The following ALK variants were observed in gnomAD, a reference collection of about 807,000 sequenced individuals.
ALK encodes ALK receptor tyrosine kinase.
A neutral mutation model predicts 163.1 loss-of-function variants in ALK; 74 were observed. The ratio of observed to expected loss-of-function variants is 0.45; its 90% confidence interval spans 0.38 to 0.55. The LOEUF is 0.55. Ranked by LOEUF, ALK falls within the 20% of genes least tolerant of loss-of-function variation. ALK has a pLI of 0.00. For missense variants in ALK, 2,063 were observed against 2,105.3 expected (o/e 0.98, Z 0.39); for synonymous variants, 960 against 843.2 (o/e 1.14, Z -2.40).
chr2:29,840,890 T>A (rs1384952340), intron 1 of ALK, among the ~76,000 whole-genome samples: 1 of 152,208 alleles, frequency 6.6e-6, no homozygotes, highest in East Asian at 1.9e-4. Context: ...GTGAAGTGAT[T>A]TGCTATTAAA....
At chr2:29,389,959 C>T (rs1669123119) in intron 4 of ALK, among the ~76,000 whole-genome samples, 1 of 152,172 alleles carries the variant, frequency 6.6e-6, no homozygotes, top group African/African-American at 2.4e-5. Context: ...AATGTTCTCT[C>T]CAATGCAGGT....
chr2:29,499,384 C>A (rs1573404961), intron 4 of ALK, among the ~76,000 whole-genome samples: 1 of 152,166 alleles, frequency 6.6e-6, no homozygotes, highest in East Asian at 1.9e-4. Context: ...TTTTAGTAAA[C>A]AAGGTTTCAT....
chr2:29,909,426 A>C (rs1667638513), intron 1 of ALK, among the ~76,000 whole-genome samples: 1 of 151,848 alleles, frequency 6.6e-6, no homozygotes, highest in Non-Finnish European at 1.5e-5. Context: ...CCAGGGAGCA[A>C]ACCAGAGAAG....
At chr2:29,408,095 T>TC (rs1211561667) in intron 4 of ALK, among the ~76,000 whole-genome samples, 45 of 148,098 alleles carry the variant, frequency 3.0e-4, no homozygotes, top group South Asian at 4.3e-4. Context: ...TTCTTTTTTT[T>TC]TTTTTGAGAT....
At chr2:29,209,392 A>T (rs1342985104) in intron 25 of ALK, among the ~76,000 whole-genome samples, 1 of 152,042 alleles carries the variant, frequency 6.6e-6, no homozygotes, top group Non-Finnish European at 1.5e-5. Flanking sequence ...AATACAAAAA[A>T]TTAGCCAGGC....
intron 8 of ALK, among the ~76,000 whole-genome samples, chr2:29,314,859 C>T (rs906250724): frequency 6.6e-6 from 1 of 152,014 alleles, no homozygotes; most frequent in South Asian, 2.1e-4. Flanking sequence ...TGGTGTCAGC[C>T]GCCACTCTGC....
At chr2:29,665,272 C>G (rs1324094005) in intron 3 of ALK, among the ~76,000 whole-genome samples, 5 of 152,034 alleles carry the variant, frequency 3.3e-5, no homozygotes, top group African/African-American at 1.2e-4. Context: ...CAGGCGTGAA[C>G]CACCATGCCT....
intron 4 of ALK, among the ~76,000 whole-genome samples, chr2:29,478,643 C>T (rs1276027157): frequency 1.3e-5 from 2 of 152,252 alleles, no homozygotes; most frequent in African/African-American, 4.8e-5. Flanking sequence ...TCAGTTTACA[C>T]TGCCAGGTGA....
At chr2:29,687,719 C>CT (rs1456477982) in intron 3 of ALK, among the ~76,000 whole-genome samples, 1 of 151,978 alleles carries the variant, frequency 6.6e-6, no homozygotes, top group Non-Finnish European at 1.5e-5. Context: ...GTACATAGTT[C>CT]TTTTTTTCTT....
chr2:29,896,722 T>C lies in ALK; in HGVS notation c.667+23271A>G, dbSNP rs147773612. Among the ~76,000 whole-genome samples, 8 of 152,300 alleles carry C rather than the reference T, an allele frequency of 5.3e-5. No homozygotes were observed. The East Asian group carries it at 1.5e-3, about 29-fold the overall frequency. On this transcript the variant is annotated intron_variant, in intron 1 of 28. Transcript: ENST00000389048. The stretch of plus-strand genomic sequence containing the variant: ...ACAAGTGTGGAGCACCTCCACATGA[T>C]CCCATTGGACAATAAAAGTTCATTG...
intron 1 of ALK, among the ~76,000 whole-genome samples, chr2:29,782,262 CAGAG>C (rs1663846006): frequency 1.3e-5 from 2 of 152,110 alleles, no homozygotes; most frequent in Admixed American, 1.3e-4. Context: ...AGAGGTGGAT[CAGAG>C]AGAGGTAGGG....
intron 4 of ALK, among the ~76,000 whole-genome samples, chr2:29,481,472 ATTATG>A (rs1671657846): frequency 6.6e-6 from 1 of 152,198 alleles, no homozygotes; most frequent in Non-Finnish European, 1.5e-5. Context: ...ATTTATACAT[ATTATG>A]TTATCAGCAC....
rs1665398548 is a variant in ALK, at chr2:29,831,217, GGAAGAGGAAGAAGAAGAGGAAGAA to G, written c.667+88752_667+88775del. On this transcript the variant is annotated intron_variant, in intron 1 of 28. Coordinates refer to ENST00000389048, the MANE Select transcript of ALK (RefSeq NM_004304.5). Reference sequence around the variant, plus strand: ...GGGAAGGGGAAGGGGAAGAGGAAGAGGAAGAGGAAGAAGAAGAGGAAGAAGAAGAGGAAGAGGAAGAGGAAGAAG... The same window carrying G: ...GGGAAGGGGAAGGGGAAGAGGAAGAGGAAGAGGAAGAGGAAGAGGAAGAAG... Among the ~76,000 whole-genome samples, 29 of 41,074 alleles carry G rather than the reference GGAAGAGGAAGAAGAAGAGGAAGAA, an allele frequency of 7.1e-4. 5 individuals are homozygous for G. Among genetic ancestry groups the G allele is most frequent in the African/African-American group, 2.2e-3 (29 of 13,342 alleles). 26.9% of individuals were successfully genotyped at this position (41,074 alleles called of 152,430 possible). A position where few individuals can be genotyped will look rare whatever the true frequency, so the allele number is the denominator to read the frequency against.
chr2:29,647,660 C>T (rs1457879047), intron 3 of ALK, among the ~76,000 whole-genome samples: 1 of 152,078 alleles, frequency 6.6e-6, no homozygotes, highest in Non-Finnish European at 1.5e-5. Context: ...TGATTAAGCC[C>T]GTCCATACAC....
chr2:29,781,044 C>T (rs1482614487), intron 1 of ALK, among the ~76,000 whole-genome samples: 10 of 152,202 alleles, frequency 6.6e-5, no homozygotes, highest in Admixed American at 6.5e-4. Flanking sequence ...ATTTTCTGTG[C>T]ACCTTCTATA....
chr2:29,634,807 C>A (rs569679480), intron 3 of ALK, among the ~76,000 whole-genome samples: 60 of 152,126 alleles, frequency 3.9e-4, no homozygotes, highest in African/African-American at 1.2e-3. Context: ...AACAAAGAAA[C>A]AGAAATAAAA....
At chr2:29,372,452 A>G (rs769932360) in intron 5 of ALK, among the ~76,000 whole-genome samples, 3 of 152,214 alleles carry the variant, frequency 2.0e-5, no homozygotes, top group Non-Finnish European at 4.4e-5. Context: ...TAGTTAATGA[A>G]GAGCCGCCAA....
At chr2:29,200,121 TG>T (rs1262946314) in intron 26 of ALK, among the ~76,000 whole-genome samples, 1 of 148,932 alleles carries the variant, frequency 6.7e-6, no homozygotes, top group Non-Finnish European at 1.5e-5. Flanking sequence ...TATTCCTTTC[TG>T]TTTGGAGATC....
At chr2:29,348,888 C>T (rs1364216729) in intron 5 of ALK, among the ~76,000 whole-genome samples, 2 of 152,226 alleles carry the variant, frequency 1.3e-5, no homozygotes, top group Non-Finnish European at 2.9e-5. Flanking sequence ...CAATCAGGAC[C>T]TTTCAGTGGC....
Sources: allele counts gnomAD v4.1 joint callset (sites outside exome capture counted in the v4.1 genomes callset), GRCh38; gene constraint gnomAD v4.1.1; transcripts MANE v1.5; gene names NCBI Gene and HGNC (gene_info 2026-07-23, HGNC 2026-07-21).